MAP3K4: variants seen among roughly 807,000 people sequenced by gnomAD.
MAP3K4 encodes the protein MAP three kinase 1.
In MAP3K4, 67 loss-of-function variants were observed where a neutral mutation model predicts 185.6. That is an observed-to-expected ratio of 0.36 (90% CI 0.30 to 0.44). The LOEUF (loss-of-function observed/expected upper bound fraction) is 0.44, where lower values mean the gene tolerates loss of function less well. Among genes scored for constraint, MAP3K4 ranks in the 20% least tolerant of loss-of-function variants. The probability of loss-of-function intolerance (pLI) is 1.00; values close to 1 mark genes in which losing one functional copy is unlikely to be tolerated. For missense variants in MAP3K4, 1,551 were observed against 1,995.1 expected, an observed-to-expected ratio of 0.78 and a Z score of 4.24; for synonymous variants, 702 against 710.4, an observed-to-expected ratio of 0.99 and a Z score of 0.19.
chr6:161,026,733 C>CTTTTTTTTTTTTTTTTTTT (rs553664182), intron 1 of MAP3K4, among the ~76,000 whole-genome samples: 2 of 96,102 alleles, frequency 2.1e-5, no homozygotes, highest in Non-Finnish European at 4.0e-5. Flanking sequence ...GTTCTCTCTC[C>CTTTTTTTTTTTTTTTTTTT]TTTTTTTTTT....
At chr6:161,003,047 T>C (rs1781402787) in intron 1 of MAP3K4, among the ~76,000 whole-genome samples, 1 of 152,212 alleles carries the variant, frequency 6.6e-6, no homozygotes, top group African/African-American at 2.4e-5. Context: ...ATATAACATA[T>C]GGTTTGTGAC....
chr6:161,029,320 C>T (rs1312058707), intron 1 of MAP3K4, among the ~76,000 whole-genome samples: 1 of 152,176 alleles, frequency 6.6e-6, no homozygotes, highest in Admixed American at 6.5e-5. Flanking sequence ...CCGACTTCAT[C>T]ATTTTACAGA....
intron 3 of MAP3K4, among the ~76,000 whole-genome samples, chr6:161,057,566 C>G (rs1396670840): frequency 6.6e-6 from 1 of 152,118 alleles, no homozygotes; most frequent in Non-Finnish European, 1.5e-5. Flanking sequence ...TCAGAATCTC[C>G]CAGTGGGGGA....
At position 161,090,183 on chromosome 6, in the gene MAP3K4, A is replaced by G. The variant is rs139933415; in HGVS notation, c.2973+712A>G. 3.5e-3 allele frequency among the ~76,000 whole-genome samples: 526 copies of G among 152,342 alleles called. 4 individuals are homozygous for G. Among genetic ancestry groups the G allele is most frequent in the African/African-American group, 0.012 (501 of 41,582 alleles). On this transcript the variant is annotated intron_variant, in intron 11 of 26. Transcript: ENST00000392142. ...TTGTCTGATTTATCTATAAACATTT[A>G]TTAACTAAATATTTAGGTTATCTCT...
In MAP3K4 at chr6:161,017,940, G is replaced by A. The variant is rs1464085264; in HGVS notation, c.153-16319G>A. Among the ~76,000 whole-genome samples the A allele has an allele frequency of 6.6e-6, 1 of 152,172 alleles. No homozygotes were observed. The highest frequency in any genetic ancestry group is 2.4e-5 in the African/African-American group (1 of 41,430). On this transcript the variant is annotated intron_variant, in intron 1 of 26. Coordinates refer to ENST00000392142, the MANE Select transcript of MAP3K4 (RefSeq NM_005922.4). The surrounding 1 kb of genome is among the most constrained non-coding windows in gnomAD (Gnocchi z 5.1). ...AAAAATATAAATATGCTGGGTTTTA[G>A]TGATTACAATAAACTCTTCTTACGC...
At chr6:160,993,408 T>C (rs1028372078) in intron 1 of MAP3K4, among the ~76,000 whole-genome samples, 9 of 152,220 alleles carry the variant, frequency 5.9e-5, no homozygotes, top group African/African-American at 1.9e-4. Flanking sequence ...AAATAGGCCA[T>C]TGTCTTTATT....
At chr6:161,079,269 T>A (rs1286111995) in intron 5 of MAP3K4, among the ~76,000 whole-genome samples, 1 of 146,788 alleles carries the variant, frequency 6.8e-6, no homozygotes, top group Non-Finnish European at 1.5e-5. Flanking sequence ...CTTTGCAGCC[T>A]TTGAGTGCAT....
In MAP3K4 at chr6:161,065,862, C is replaced by T. The variant is rs186762638; in HGVS notation, c.1708-4746C>T. Among the ~76,000 whole-genome samples, 381 of 133,550 alleles carry T rather than the reference C, an allele frequency of 2.9e-3. 1 individual carries two copies. The highest frequency in any genetic ancestry group is 0.019 in the Middle Eastern group (4 of 216). 87.6% of individuals were successfully genotyped at this position (133,550 alleles called of 152,430 possible). ...CTGAGGCAGGAGAATGGCGTGAACC[C>T]GGGAGGCGGAGCTTGCAGTGAGCCG... On this transcript the variant is annotated intron_variant, in intron 3 of 26. Transcript: ENST00000392142.
At position 161,086,531 on chromosome 6, in the gene MAP3K4, CTTATTTT is replaced by C; in HGVS notation, c.2473-50_2473-44del. 6.2e-7 allele frequency: 1 copy of C among 1,600,816 alleles called. No individual in the cohort carries two copies. The highest frequency in any genetic ancestry group is 8.5e-7 in the Non-Finnish European group (1 of 1,171,498). ...ACCTTTTTTCTTGTTTTTCTTTTAT[CTTATTTT>C]TTTAATGCTAACCGTAAAGAAGTTT... On this transcript the variant is annotated intron_variant, in intron 8 of 26. Transcript: ENST00000392142. The surrounding 1 kb of genome is among the most constrained non-coding windows in gnomAD (Gnocchi z 4.8).
intron 3 of MAP3K4, among the ~76,000 whole-genome samples, chr6:161,066,224 T>C (rs1007592129): frequency 2.6e-5 from 4 of 152,144 alleles, no homozygotes; most frequent in Non-Finnish European, 5.9e-5. Context: ...GGTAAGTGAA[T>C]TGTACTTTGA....
chr6:161,092,228 A>T, intron 13 of MAP3K4, 85 bp downstream of exon 13: 1 of 1,463,756 alleles, frequency 6.8e-7, no homozygotes. Flanking sequence ...ATTCTTTTTG[A>T]GCAGACGACA....
chr6:161,030,513 A>G (rs771215756), intron 1 of MAP3K4, among the ~76,000 whole-genome samples: 14 of 151,954 alleles, frequency 9.2e-5, no homozygotes, highest in African/African-American at 1.4e-4. Flanking sequence ...TGCCAGCTCA[A>G]GTGATCCTCT....
Position 161,097,246 on chromosome 6 carries a change from C to G in MAP3K4, c.3524+70C>G, listed in dbSNP as rs780120124. On this transcript the variant is annotated intron_variant, in intron 16 of 26. Coordinates refer to ENST00000392142, the MANE Select transcript of MAP3K4 (RefSeq NM_005922.4). The surrounding 1 kb of genome is among the most constrained non-coding windows in gnomAD (Gnocchi z 4.9). The stretch of plus-strand genomic sequence containing the variant: ...GATATGCATGCTCATACTTTTGAAA[C>G]TACTAGATGCTTGCTCTGAGAGCTA... 8.0e-7 allele frequency: 1 copy of G among 1,257,356 alleles called. No homozygotes were observed. The highest frequency in any genetic ancestry group is 1.5e-5 in the African/African-American group (1 of 68,076). The allele number at this position is 1,257,356 out of a possible 1,614,324, so 77.9% of individuals were successfully genotyped here. A position where few individuals can be genotyped will look rare whatever the true frequency, so the allele number is the denominator to read the frequency against.
intron 3 of MAP3K4, among the ~76,000 whole-genome samples, chr6:161,065,952 A>AG (rs1228790725): frequency 2.6e-5 from 4 of 151,194 alleles, no homozygotes; most frequent in Admixed American, 2.0e-4. Context: ...AAAAAAAAAA[A>AG]AAAAAGAATA....
rs1269038579 is a variant in MAP3K4 at position 161,075,458 on chromosome 6, C to CTA, written c.2097+1852_2097+1853dup. ...AGGCATTAGCCACCACACCTGCCCA[C>CTA]TATATATTTCTTATGTCAAAAAAAT... On this transcript the variant is annotated intron_variant, in intron 5 of 26. Coordinates refer to ENST00000392142, the MANE Select transcript of MAP3K4 (RefSeq NM_005922.4). This position sits in a 1 kb window ranked among gnomAD's most constrained non-coding sequence, Gnocchi z 4.3. Among the ~76,000 whole-genome samples the CTA allele has an allele frequency of 1.3e-5, 2 of 152,168 alleles. No homozygotes were observed. Among genetic ancestry groups the CTA allele is most frequent in the African/African-American group, 2.4e-5 (1 of 41,416 alleles).
rs557709959 is a variant in MAP3K4 at position 161,114,151 on chromosome 6, G to A, written c.4627-972G>A. Among the ~76,000 whole-genome samples, 23 of 152,178 alleles carry A rather than the reference G, an allele frequency of 1.5e-4. No homozygotes were observed. The highest frequency in any genetic ancestry group is 9.6e-4 in the East Asian group (5 of 5,184). ...TTTGGACAGAAATTCCATGTGGTAGGGCTGCTCCGGAGACATTTCCAATCT... is the reference window on the plus strand; with the variant it reads ...TTTGGACAGAAATTCCATGTGGTAGAGCTGCTCCGGAGACATTTCCAATCT... On this transcript the variant is annotated intron_variant, in intron 25 of 26. Transcript: ENST00000392142. This position sits in a 1 kb window ranked among gnomAD's most constrained non-coding sequence, Gnocchi z 4.3.
At chr6:161,003,132 T>C (rs1781406067) in intron 1 of MAP3K4, among the ~76,000 whole-genome samples, 1 of 152,246 alleles carries the variant, frequency 6.6e-6, no homozygotes, top group Non-Finnish European at 1.5e-5. Flanking sequence ...ATTGTTTCTT[T>C]AGGATAGCTT....
chr6:160,992,629 C>T (rs991147265), intron 1 of MAP3K4, among the ~76,000 whole-genome samples: 1 of 152,136 alleles, frequency 6.6e-6, no homozygotes, highest in East Asian at 1.9e-4. Flanking sequence ...ACGTTGCTTT[C>T]CTGTTCTGAG....
intron 1 of MAP3K4, chr6:160,992,468 C>G (rs567697854): frequency 4.0e-6 from 1 of 247,990 alleles, no homozygotes; most frequent in East Asian, 9.8e-5. Flanking sequence ...TGGTCCCTCC[C>G]CTCTGCCCTC....
Sources: allele counts gnomAD v4.1 joint callset (sites outside exome capture counted in the v4.1 genomes callset), GRCh38; gene constraint gnomAD v4.1.1; non-coding constraint Gnocchi (gnomAD v3.1); transcripts MANE v1.5; gene names NCBI Gene and HGNC (gene_info 2026-07-23, HGNC 2026-07-21).